VIPR1: variants seen among roughly 807,000 people sequenced by gnomAD.
The protein encoded by VIPR1 is vasoactive intestinal peptide receptor 1.
In VIPR1, 59 loss-of-function variants were observed where a neutral mutation model predicts 58.8. The ratio of observed to expected loss-of-function variants is 1.00; its 90% CI spans 0.81 to 1.25. VIPR1 has a LOEUF of 1.25. VIPR1 is among the 50% of genes most tolerant of loss of function. The probability of loss-of-function intolerance (pLI) is 0.00; values close to 1 mark genes in which losing one functional copy is unlikely to be tolerated. For synonymous variants in VIPR1, 251 were observed against 242.1 expected (o/e 1.04, Z -0.34); for missense variants, 626 against 602.7 (o/e 1.04, Z -0.40).
In VIPR1 at chr3:42,536,125, G is replaced by A; in HGVS notation, c.1218G>A (p.Trp406Ter). 1.2e-6 allele frequency: 2 copies of A among 1,604,136 alleles called. No homozygotes were observed. The highest frequency in any genetic ancestry group is 8.5e-7 in the Non-Finnish European group (1 of 1,176,122). Reference protein sequence around the residue: ...QAELRRKWRRWHLQGVLGWNP... With the variant: ...QAELRRKWRR ...AGCTGAGGCGGAAGTGGCGGCGCTG[G>A]CACCTGCAGGGCGTCCTGGGCTGGA... The change falls in exon 13 of 13, where the codon TGG becomes TGA. Residue 406 changes from tryptophan (W) to a stop codon, truncating the protein, a stop_gained. Coordinates refer to ENST00000325123, the MANE Select transcript of VIPR1 (RefSeq NM_004624.4). LOFTEE classifies it high-confidence loss of function.
In VIPR1 at chr3:42,512,838, G is replaced by A. The variant is rs1018235530; in HGVS notation, c.79-911G>A. On this transcript the variant is annotated intron_variant, in intron 1 of 12. Transcript: ENST00000325123. ...ACGCAGAAGGTGCTGCCAGTCCAAC[G>A]CTTCCTCCATGGAGGCCTTCACCCA... The A allele has an allele frequency of 9.1e-6, 9 of 985,340 alleles. No individual in the cohort carries two copies. The Admixed American group carries it at 1.8e-4, about 20-fold the overall frequency. The allele number at this position is 985,340 out of a possible 1,614,324, so 61.0% of individuals were successfully genotyped here. A position where few individuals can be genotyped will look rare whatever the true frequency, so the allele number is the denominator to read the frequency against.
chr3:42,532,199 C>T (rs768531879), intron 9 of VIPR1, 43 bp from the exon 10 acceptor site: 48 of 1,593,082 alleles, frequency 3.0e-5, no homozygotes, highest in Non-Finnish European at 6.0e-6. Context: ...AACACCTCAG[C>T]CTTCCCGCTC....
chr3:42,503,747 C>T (rs1327547391), intron 1 of VIPR1, among the ~76,000 whole-genome samples: 1 of 152,242 alleles, frequency 6.6e-6, no homozygotes, highest in Non-Finnish European at 1.5e-5. Context: ...AGAGCCACAT[C>T]TGTCTCCCAC....
At chr3:42,534,189 T>C (rs1289446971) in intron 10 of VIPR1, 1 of 152,064 alleles carries the variant, frequency 6.6e-6, no homozygotes, top group African/African-American at 2.4e-5. Context: ...CCAGAGAAGG[T>C]GGCAACTTCT....
At chr3:42,523,821 C>CTT (rs149947431) in intron 3 of VIPR1, among the ~76,000 whole-genome samples, 2 of 149,720 alleles carry the variant, frequency 1.3e-5, no homozygotes, top group East Asian at 3.9e-4. Context: ...CCTTAATCCT[C>CTT]TTTTTTTTTT....
chr3:42,536,697 A>G lies in VIPR1; in HGVS notation c.*416A>G, dbSNP rs1348370918. On this transcript the variant is annotated 3_prime_UTR_variant, in exon 13 of 13. Coordinates refer to ENST00000325123, the MANE Select transcript of VIPR1 (RefSeq NM_004624.4). ...TGAGGGCAGAAAGGTTCTGCCCGGG[A>G]AGGTCACCAGCACCAACACCACGGT... 1 of 166,904 alleles carries G rather than the reference A, an allele frequency of 6.0e-6. No homozygotes were observed. Among genetic ancestry groups the G allele is most frequent in the East Asian group, 1.7e-4 (1 of 5,848 alleles). The allele number at this position is 166,904 out of a possible 1,614,324, so 10.3% of individuals were successfully genotyped here.
chr3:42,526,028 G>A, intron 4 of VIPR1, 35 bp downstream of exon 4: 1 of 1,576,126 alleles, frequency 6.3e-7, no homozygotes, highest in Non-Finnish European at 8.6e-7. Flanking sequence ...CACCTGCAGA[G>A]CGCCGGGGCC....
chr3:42,513,522 G>A (rs1054580951), intron 1 of VIPR1: 3 of 515,024 alleles, frequency 5.8e-6, no homozygotes, highest in Non-Finnish European at 1.0e-5. Context: ...AGCACTAATG[G>A]GGGAGCCATC....
intron 6 of VIPR1, among the ~76,000 whole-genome samples, chr3:42,529,028 C>T (rs1386862282): frequency 6.6e-6 from 1 of 152,170 alleles, no homozygotes; most frequent in African/African-American, 2.4e-5. Context: ...GCATTGTGAG[C>T]CACAGGACCT....
In VIPR1 at chr3:42,531,641, G is replaced by A. The variant is rs546906644; in HGVS notation, c.851+110G>A. The A allele has an allele frequency of 1.5e-4, 238 of 1,560,192 alleles. 1 individual carries two copies. In the African/African-American group the frequency reaches 2.0e-3, roughly 13 times the overall value. ...TGAGTGGACAAAAACCACAGCTCTCGGGCCAGAGGGGAGGCTGGAGGAGGA... is the reference window on the plus strand; with the variant it reads ...TGAGTGGACAAAAACCACAGCTCTCAGGCCAGAGGGGAGGCTGGAGGAGGA... On this transcript the variant is annotated intron_variant, in intron 8 of 12. Transcript: ENST00000325123.
chr3:42,528,195 C>T (rs893704677), intron 6 of VIPR1, 72 bp downstream of exon 6: 1 of 1,549,186 alleles, frequency 6.5e-7, no homozygotes, highest in Admixed American at 1.7e-5. Flanking sequence ...CTCCTCTTCT[C>T]CCCCTGCTTC....
chr3:42,526,585 G>T (rs1188362876), intron 4 of VIPR1, among the ~76,000 whole-genome samples: 1 of 152,166 alleles, frequency 6.6e-6, no homozygotes, highest in Non-Finnish European at 1.5e-5. Context: ...GATGGCATCT[G>T]CCCCACCCTC....
chr3:42,497,779 T>C (rs1014686412), upstream of VIPR1, among the ~76,000 whole-genome samples: 2 of 152,226 alleles, frequency 1.3e-5, no homozygotes, highest in Admixed American at 6.5e-5. Context: ...AACCCCTTTT[T>C]GCCTGCCTTC....
At chr3:42,535,314 C>T (rs373583208) in intron 11 of VIPR1, 29 bp from the exon 12 acceptor site, 1 of 1,613,628 alleles carries the variant, frequency 6.2e-7, no homozygotes, top group Non-Finnish European at 8.5e-7. Context: ...GTCTGTCTAC[C>T]TCACCTCTCC....
rs1176477162 is a variant in VIPR1 at position 42,537,282 on chromosome 3, T to C, written c.*1001T>C. The C allele has an allele frequency of 6.6e-6, 1 of 152,244 alleles. No homozygotes were observed. The highest frequency in any genetic ancestry group is 1.5e-5 in the Non-Finnish European group (1 of 68,046). The allele number at this position is 152,244 out of a possible 1,614,324, so 9.4% of individuals were successfully genotyped here. On this transcript the variant is annotated 3_prime_UTR_variant, in exon 13 of 13. Transcript: ENST00000325123. The stretch of plus-strand genomic sequence containing the variant: ...GATAGGAATGTGAAAGCACGGACTC[T>C]TACTGCTAACTTTTGTGTATCGTAA...
upstream of VIPR1, among the ~76,000 whole-genome samples, chr3:42,500,897 G>A (rs1699855418): frequency 6.6e-6 from 1 of 152,160 alleles, no homozygotes; most frequent in Non-Finnish European, 1.5e-5. Flanking sequence ...TGATTATATC[G>A]GGAAGGAGGT....
chr3:42,491,430 G>C (rs1489877828), intron 1 of VIPR1, among the ~76,000 whole-genome samples: 1 of 152,192 alleles, frequency 6.6e-6, no homozygotes, highest in Non-Finnish European at 1.5e-5. Flanking sequence ...TAAAATGGTA[G>C]ATCTGTAATT....
intron 5 of VIPR1, 110 bp downstream of exon 5, chr3:42,527,606 C>A: frequency 9.8e-7 from 1 of 1,015,980 alleles, no homozygotes; most frequent in South Asian, 1.4e-5. Flanking sequence ...TGTTGCCCCC[C>A]AGCAGCACAT....
At chr3:42,517,500 A>G (rs771330306) in intron 2 of VIPR1, among the ~76,000 whole-genome samples, 7 of 152,198 alleles carry the variant, frequency 4.6e-5, no homozygotes, top group Non-Finnish European at 1.0e-4. Context: ...TGGCATTTGC[A>G]TGTGCCTATT....
Sources: allele counts gnomAD v4.1 joint callset (sites outside exome capture counted in the v4.1 genomes callset), GRCh38; gene constraint gnomAD v4.1.1; transcripts MANE v1.5; gene names NCBI Gene and HGNC (gene_info 2026-07-23, HGNC 2026-07-21).